Variants in OPCML observed in about 807,000 individuals in gnomAD.
The protein encoded by OPCML is opioid binding protein/cell adhesion molecule like.
In OPCML, 13 loss-of-function variants were observed where a neutral mutation model predicts 37.8. That is an observed-to-expected ratio of 0.34 (90% CI 0.22 to 0.55). The LOEUF (loss-of-function observed/expected upper bound fraction) is 0.55. Among genes scored for constraint, OPCML ranks in the 20% least tolerant of loss-of-function variants. OPCML has a pLI of 0.91. For missense variants in OPCML, 341 were observed against 435.6 expected, an observed-to-expected ratio of 0.78 and a Z score of 1.93; for synonymous variants, 176 against 168.8, an observed-to-expected ratio of 1.04 and a Z score of -0.33.
At chr11:133,031,443 G>C (rs1264568943) in intron 1 of OPCML, among the ~76,000 whole-genome samples, 1 of 148,676 alleles carries the variant, frequency 6.7e-6, no homozygotes, top group Non-Finnish European at 1.5e-5. Flanking sequence ...GGATGGGTAG[G>C]TGAATGGATG....
At chr11:133,040,855 C>T (rs185330170) in intron 1 of OPCML, among the ~76,000 whole-genome samples, 13 of 152,118 alleles carry the variant, frequency 8.5e-5, no homozygotes, top group South Asian at 4.2e-4. Flanking sequence ...ATCAAACACT[C>T]GGAGAAGTGG....
intron 3 of OPCML, among the ~76,000 whole-genome samples, chr11:132,656,058 T>C (rs1184046507): frequency 6.6e-6 from 1 of 152,066 alleles, no homozygotes; most frequent in Admixed American, 6.5e-5. Context: ...TTCCTCAAGA[T>C]ATCTGCAAAC....
intron 4 of OPCML, among the ~76,000 whole-genome samples, chr11:132,493,464 C>G (rs1041926095): frequency 1.3e-5 from 2 of 152,214 alleles, no homozygotes; most frequent in African/African-American, 4.8e-5. Context: ...CTCTTGTTCT[C>G]TTATGATTTC....
chr11:132,586,455 C>T (rs2096472833), intron 3 of OPCML, among the ~76,000 whole-genome samples: 1 of 152,172 alleles, frequency 6.6e-6, no homozygotes, highest in South Asian at 2.1e-4. Context: ...TCTGCTAGGG[C>T]AGATTAAAAC....
At chr11:132,453,073 C>T (rs1565575094) in intron 4 of OPCML, among the ~76,000 whole-genome samples, 1 of 152,188 alleles carries the variant, frequency 6.6e-6, no homozygotes, top group Non-Finnish European at 1.5e-5. Flanking sequence ...TCCCACTGGG[C>T]TCTTGACTGT....
intron 1 of OPCML, among the ~76,000 whole-genome samples, chr11:133,461,554 AG>A (rs1946859014): frequency 1.3e-5 from 2 of 151,944 alleles, no homozygotes; most frequent in South Asian, 4.1e-4. Flanking sequence ...GGAGAAAATC[AG>A]TAAAACCAAG....
At chr11:133,318,084 C>A (rs190490523) in intron 1 of OPCML, among the ~76,000 whole-genome samples, 1 of 152,288 alleles carries the variant, frequency 6.6e-6, no homozygotes, top group African/African-American at 2.4e-5. Flanking sequence ...GGGAAACAAC[C>A]TGCCTCTGTG....
chr11:133,492,281 C>G (rs982232892), intron 1 of OPCML, among the ~76,000 whole-genome samples: 4 of 152,158 alleles, frequency 2.6e-5, no homozygotes, highest in Non-Finnish European at 5.9e-5. Context: ...GGGAGAGGAT[C>G]CATTTCACAA....
intron 1 of OPCML, among the ~76,000 whole-genome samples, chr11:133,423,764 G>C (rs1242900303): frequency 6.6e-6 from 1 of 152,100 alleles, no homozygotes; most frequent in Non-Finnish European, 1.5e-5. Context: ...TTGGATCATG[G>C]GGACAGATCC....
chr11:132,670,189 G>C (rs1942401224), intron 2 of OPCML, among the ~76,000 whole-genome samples: 1 of 152,140 alleles, frequency 6.6e-6, no homozygotes, highest in Non-Finnish European at 1.5e-5. Flanking sequence ...CCATGGAAAA[G>C]TATAAATTAA....
intron 1 of OPCML, among the ~76,000 whole-genome samples, chr11:133,345,441 C>T (rs1943976841): frequency 6.6e-6 from 1 of 152,106 alleles, no homozygotes; most frequent in African/African-American, 2.4e-5. Flanking sequence ...ATCTTGCCAC[C>T]CATCCTTTGT....
chr11:132,726,500 A>G (rs1387145166), intron 2 of OPCML, among the ~76,000 whole-genome samples: 2 of 119,552 alleles, frequency 1.7e-5, no homozygotes, highest in African/African-American at 6.3e-5. Context: ...CAGCCAAACC[A>G]TATCAACATT....
chr11:132,479,063 T>C lies in OPCML; in HGVS notation c.506-41704A>G, dbSNP rs554760117. Among the ~76,000 whole-genome samples the C allele has an allele frequency of 2.0e-5, 3 of 152,176 alleles. No homozygotes were observed. In the East Asian group the frequency reaches 5.8e-4, roughly 29 times the overall value. ...TGGCCGAATAGGAACAGCCCTGGTCTACAGCTCCCAGCCTGAGTGACGCAG... is the reference window on the plus strand; with the variant it reads ...TGGCCGAATAGGAACAGCCCTGGTCCACAGCTCCCAGCCTGAGTGACGCAG... On this transcript the variant is annotated intron_variant, in intron 4 of 7. Coordinates refer to ENST00000524381, the MANE Select transcript of OPCML (RefSeq NM_001012393.5).
At chr11:132,869,094 G>A (rs1394775668) in intron 2 of OPCML, among the ~76,000 whole-genome samples, 1 of 152,162 alleles carries the variant, frequency 6.6e-6, no homozygotes, top group Non-Finnish European at 1.5e-5. Context: ...CACCACTGGG[G>A]GAGAAAGAGC....
rs547341446 is a variant in OPCML at position 133,461,931 on chromosome 11, G to A, written c.61+70333C>T. The stretch of plus-strand genomic sequence containing the variant: ...CTGTGGAATAGGCATAATGACAGAC[G>A]TTTAAACCAACGGAGTAGAACAAAG... On this transcript the variant is annotated intron_variant, in intron 1 of 7. Transcript: ENST00000524381. Among the ~76,000 whole-genome samples, 39 of 151,922 alleles carry A rather than the reference G, an allele frequency of 2.6e-4. No individual in the cohort carries two copies. The South Asian group carries it at 6.8e-3, about 27-fold the overall frequency.
chr11:133,483,671 A>AAAT (rs1263795506), intron 1 of OPCML, among the ~76,000 whole-genome samples: 7 of 139,902 alleles, frequency 5.0e-5, no homozygotes, highest in Non-Finnish European at 1.1e-4. Context: ...TTAGATAAAT[A>AAAT]GATGATAGAT....
chr11:133,030,691 A>C (rs1216287563), intron 1 of OPCML, among the ~76,000 whole-genome samples: 2 of 152,220 alleles, frequency 1.3e-5, no homozygotes, highest in Non-Finnish European at 2.9e-5. Context: ...ATATTCATTA[A>C]ATATTTAATT....
At position 132,560,347 on chromosome 11, in the gene OPCML, A is replaced by G. The variant is rs1013055218; in HGVS notation, c.380-31161T>C. 3.9e-5 allele frequency among the ~76,000 whole-genome samples: 6 copies of G among 152,196 alleles called. 1 individual carries two copies. The highest frequency in any genetic ancestry group is 3.9e-4 in the Admixed American group (6 of 15,282). ...CACACACCCCAGTATCTAATTACTT[A>G]TTTTTAAAACTTACTTTTTATTTCA... On this transcript the variant is annotated intron_variant, in intron 3 of 7. Transcript: ENST00000524381.
intron 2 of OPCML, among the ~76,000 whole-genome samples, chr11:132,937,107 G>T (rs1232677618): frequency 1.3e-5 from 2 of 151,964 alleles, no homozygotes. Flanking sequence ...AATTTTAAAA[G>T]ACCTCCCCTG....
Sources: gnomAD v4.1 joint callset for allele counts (sites outside exome capture counted in the v4.1 genomes callset) on GRCh38, gnomAD v4.1.1 for gene constraint, MANE v1.5 for transcripts, NCBI Gene and HGNC (gene_info 2026-07-23, HGNC 2026-07-21) for gene names.